PRPF6: variants seen among roughly 807,000 people sequenced by gnomAD.
PRPF6 encodes the protein pre-mRNA-processing factor 6.
In PRPF6, 42 loss-of-function variants were observed where a neutral mutation model predicts 118.3. The ratio of observed to expected loss-of-function variants is 0.35; its 90% CI spans 0.28 to 0.46. The LOEUF is 0.46. Among genes scored for constraint, PRPF6 ranks in the 20% least tolerant of loss-of-function variants. PRPF6 has a pLI of 1.00. For missense variants in PRPF6, 662 were observed against 1,255.7 expected (o/e 0.53, Z 7.15); for synonymous variants, 481 against 485.1 (o/e 0.99, Z 0.11).
chr20:63,989,598 C>T (rs1482708460), intron 3 of PRPF6, among the ~76,000 whole-genome samples: 4 of 152,208 alleles, frequency 2.6e-5, no homozygotes, highest in African/African-American at 9.6e-5. Context: ...TCACTGCAAC[C>T]TCTGCCTCCC....
At chr20:64,021,922 C>A (rs1028413164) in intron 12 of PRPF6, among the ~76,000 whole-genome samples, 5 of 150,134 alleles carry the variant, frequency 3.3e-5, no homozygotes, top group Admixed American at 3.3e-4. Flanking sequence ...ATGCATATGC[C>A]TCAGCCACAG....
At chr20:64,016,073 G>C (rs1182677208) in intron 11 of PRPF6, among the ~76,000 whole-genome samples, 1 of 151,958 alleles carries the variant, frequency 6.6e-6, no homozygotes, top group Non-Finnish European at 1.5e-5. Context: ...AACTATGATT[G>C]TACCACAGCA....
intron 3 of PRPF6, among the ~76,000 whole-genome samples, chr20:63,985,501 A>T (rs758745516): frequency 1.3e-5 from 2 of 152,212 alleles, no homozygotes; most frequent in Non-Finnish European, 2.9e-5. Context: ...GAACAGCCTT[A>T]GGGCCTGGGG....
At chr20:63,998,038 G>A (rs1233162309) in intron 6 of PRPF6, among the ~76,000 whole-genome samples, 2 of 152,040 alleles carry the variant, frequency 1.3e-5, no homozygotes, top group African/African-American at 4.8e-5. Context: ...CTGTGAATAC[G>A]GGTGTACAGA....
At chr20:63,986,203 T>C (rs1456164560) in intron 3 of PRPF6, among the ~76,000 whole-genome samples, 1 of 151,618 alleles carries the variant, frequency 6.6e-6, no homozygotes, top group East Asian at 2.0e-4. Context: ...TAGCCGGGCA[T>C]GGTGGGTGGT....
chr20:64,010,591 T>C (rs1392144853), intron 10 of PRPF6, among the ~76,000 whole-genome samples: 1 of 152,226 alleles, frequency 6.6e-6, no homozygotes, highest in East Asian at 1.9e-4. Context: ...TGTTGGGCAG[T>C]TGCTCAGGGG....
intron 10 of PRPF6, 35 bp downstream of exon 10, chr20:64,010,353 A>G (rs771203193): frequency 6.5e-7 from 1 of 1,537,186 alleles, no homozygotes; most frequent in African/African-American, 1.4e-5. Flanking sequence ...CCAGAGCCCA[A>G]AGTGGCCAAG....
intron 9 of PRPF6, among the ~76,000 whole-genome samples, chr20:64,007,846 C>T (rs1191353341): frequency 6.6e-6 from 1 of 152,092 alleles, no homozygotes; most frequent in Non-Finnish European, 1.5e-5. Flanking sequence ...GTCACAGTCT[C>T]AGCTTATTGC....
intron 3 of PRPF6, among the ~76,000 whole-genome samples, chr20:63,985,589 C>T (rs2059089652): frequency 6.6e-6 from 1 of 152,154 alleles, no homozygotes; most frequent in Non-Finnish European, 1.5e-5. Context: ...TACGATACAT[C>T]AGGGTTACCA....
intron 13 of PRPF6, among the ~76,000 whole-genome samples, chr20:64,024,164 G>A (rs975342662): frequency 8.5e-5 from 13 of 152,282 alleles, no homozygotes; most frequent in Middle Eastern, 3.4e-3. Context: ...CCGGGAGAGT[G>A]AACCTGGGAT....
intron 3 of PRPF6, among the ~76,000 whole-genome samples, chr20:63,988,056 AC>A (rs2059102491): frequency 6.6e-6 from 1 of 151,936 alleles, no homozygotes; most frequent in Non-Finnish European, 1.5e-5. Flanking sequence ...GCTGGGACTC[AC>A]GCCTGTAATC....
At chr20:63,992,495 G>T (rs1250699169) in intron 3 of PRPF6, among the ~76,000 whole-genome samples, 3 of 151,924 alleles carry the variant, frequency 2.0e-5, no homozygotes, top group Admixed American at 6.6e-5. Context: ...GACCTCAGGT[G>T]ATCTGCCCAC....
Position 64,011,366 on chromosome 20 carries a change from G to T in PRPF6, c.1387G>T (p.Asp463Tyr). 1 of 1,614,194 alleles carries T rather than the reference G, an allele frequency of 6.2e-7. No individual in the cohort carries two copies. Among genetic ancestry groups the T allele is most frequent in the Non-Finnish European group, 8.5e-7 (1 of 1,180,048 alleles). Residue 463 changes from aspartate to tyrosine, a missense_variant, in exon 11 of 21, where the codon GAC (aspartate) becomes TAC (tyrosine). Physicochemically the swap from Asp to Tyr is radical, Grantham distance 160 (BLOSUM62 -3). This residue lies in a region of PRPF6 where 189 missense variants were observed against 323.5 expected (regional missense o/e 0.58). Transcript: ENST00000266079. This position sits in a 1 kb window ranked among gnomAD's most constrained non-coding sequence, Gnocchi z 6.7. ...CAAGGCGCGGGAGAACATTCCTACA[G>T]ACCGACATATCTGGATCACGGCTGC... Reference protein sequence around the residue: ...LNKARENIPTDRHIWITAAKL... With the variant: ...LNKARENIPTYRHIWITAAKL...
Position 64,031,924 on chromosome 20 carries a change from T to G in PRPF6, c.2553T>G (p.Phe851Leu), listed in dbSNP as rs763494914. The change falls in exon 20 of 21, where the codon TTT becomes TTG. Residue 851 changes from phenylalanine (F) to leucine (L), a missense_variant. This residue lies in a region of PRPF6 where 244 missense variants were observed against 383.7 expected (regional missense o/e 0.64). Transcript: ENST00000266079. ...CGTCCTTCTGCTGGAACAGGCTGTT[T>G]TGGAGTCAGCGGAAGATCACCAAGG... ...PHVLLAVAKLFWSQRKITKAR... is the reference protein window; with the variant it reads ...PHVLLAVAKLLWSQRKITKAR... 1 of 1,614,048 alleles carries G rather than the reference T, an allele frequency of 6.2e-7. No homozygotes were observed. Among genetic ancestry groups the G allele is most frequent in the Non-Finnish European group, 8.5e-7 (1 of 1,179,992 alleles).
intron 3 of PRPF6, among the ~76,000 whole-genome samples, chr20:63,991,774 G>C (rs936702816): frequency 1.3e-5 from 2 of 151,566 alleles, no homozygotes; most frequent in South Asian, 2.1e-4. Context: ...TGGTGACAGA[G>C]TGAGACTGTC....
At chr20:64,003,703 C>T (rs1024208693) in intron 9 of PRPF6, among the ~76,000 whole-genome samples, 1 of 152,228 alleles carries the variant, frequency 6.6e-6, no homozygotes, top group African/African-American at 2.4e-5. Context: ...TCACGCCATT[C>T]TCCTGCCTCA....
At chr20:64,016,123 CT>C (rs756499334) in intron 11 of PRPF6, among the ~76,000 whole-genome samples, 192 of 141,962 alleles carry the variant, frequency 1.4e-3, no homozygotes, top group South Asian at 4.9e-3. Context: ...GACTCTCTCT[CT>C]TTTTTTTTTT....
At chr20:64,030,998 G>A (rs1187062421) in intron 19 of PRPF6, among the ~76,000 whole-genome samples, 2 of 152,178 alleles carry the variant, frequency 1.3e-5, no homozygotes, top group African/African-American at 4.8e-5. Flanking sequence ...GCCAGCGCCC[G>A]CCATCCCTTC....
chr20:64,016,883 G>C, intron 12 of PRPF6, 38 bp downstream of exon 12: 2 of 1,613,520 alleles, frequency 1.2e-6, no homozygotes, highest in South Asian at 2.2e-5. Flanking sequence ...GTAATATGGA[G>C]TCTCTGCTTG....
Sources: allele counts gnomAD v4.1 joint callset (sites outside exome capture counted in the v4.1 genomes callset), GRCh38; gene constraint gnomAD v4.1.1; regional missense constraint gnomAD v4.1.1; non-coding constraint Gnocchi (gnomAD v3.1); transcripts MANE v1.5; gene names NCBI Gene and HGNC (gene_info 2026-07-23, HGNC 2026-07-21).